Variants in NTN1 observed in about 807,000 individuals in gnomAD.
NTN1 encodes netrin 1, also known as netrin-1.
In NTN1, 11 loss-of-function variants were observed where a neutral mutation model predicts 54.2. The ratio of observed to expected loss-of-function variants is 0.20; its 90% confidence interval spans 0.13 to 0.34. The LOEUF is 0.34. Among genes scored for constraint, NTN1 ranks in the 10% least tolerant of loss-of-function variants. The pLI is 1.00. For missense variants in NTN1, 740 were observed against 893.1 expected (o/e 0.83, Z 2.18); for synonymous variants, 371 against 382.0 (o/e 0.97, Z 0.33).
intron 6 of NTN1, among the ~76,000 whole-genome samples, chr17:9,224,811 G>T (rs1046977700): frequency 6.6e-6 from 1 of 151,368 alleles, no homozygotes; most frequent in African/African-American, 2.4e-5. Flanking sequence ...GGGTGGGGGG[G>T]CACAGTGGGA....
intron 2 of NTN1, among the ~76,000 whole-genome samples, chr17:9,112,850 C>A (rs1419738485): frequency 3.3e-5 from 5 of 151,264 alleles, no homozygotes; most frequent in Non-Finnish European, 7.4e-5. Context: ...AAATGCACCC[C>A]ACCCCCTTCC....
chr17:9,042,152 CACTT>C (rs1251649551), intron 2 of NTN1, among the ~76,000 whole-genome samples: 1 of 152,098 alleles, frequency 6.6e-6, no homozygotes, highest in Non-Finnish European at 1.5e-5. Flanking sequence ...CCCTTGAAAA[CACTT>C]ACTATCTATC....
chr17:9,039,044 T>A (rs1213418838), intron 2 of NTN1, among the ~76,000 whole-genome samples: 1 of 152,250 alleles, frequency 6.6e-6, no homozygotes, highest in Non-Finnish European at 1.5e-5. Context: ...GATGCCATAT[T>A]TATTAAATGC....
chr17:9,153,868 C>G (rs915234965), intron 2 of NTN1, among the ~76,000 whole-genome samples: 4 of 152,178 alleles, frequency 2.6e-5, no homozygotes, highest in Non-Finnish European at 5.9e-5. Context: ...CTCTCATGCC[C>G]TGCGTGGACT....
rs536274618 is a variant in NTN1 at position 9,222,371 on chromosome 17, G to A, written c.1486+1129G>A. ...CTGGCCACCTCTGGGAAGGCAGAAC[G>A]ACCTCTCTGTTCTGCTCAGCTTCCC... On this transcript the variant is annotated intron_variant, in intron 6 of 6. Transcript: ENST00000173229. Among the ~76,000 whole-genome samples the A allele has an allele frequency of 1.1e-4, 16 of 152,372 alleles. No homozygotes were observed. In the South Asian group the frequency reaches 2.9e-3, roughly 28 times the overall value.
At chr17:9,040,339 A>G (rs1160995133) in intron 2 of NTN1, among the ~76,000 whole-genome samples, 1 of 152,136 alleles carries the variant, frequency 6.6e-6, no homozygotes, top group Non-Finnish European at 1.5e-5. Flanking sequence ...AGAAGAGTTT[A>G]CTTCTATGTA....
upstream of NTN1, among the ~76,000 whole-genome samples, chr17:9,017,818 T>C (rs532170296): frequency 1.1e-4 from 16 of 152,338 alleles, no homozygotes; most frequent in East Asian, 2.5e-3. Flanking sequence ...ATCTGTTTTT[T>C]TCATTTGTCC....
intron 5 of NTN1, among the ~76,000 whole-genome samples, chr17:9,199,330 T>TG (rs1371772030): frequency 1.3e-5 from 2 of 152,142 alleles, no homozygotes; most frequent in Non-Finnish European, 2.9e-5. Context: ...TTAGTAGAGA[T>TG]GGAGTTTCAA....
chr17:9,189,544 G>A (rs1242773758), intron 5 of NTN1, among the ~76,000 whole-genome samples: 1 of 152,060 alleles, frequency 6.6e-6, no homozygotes, highest in Non-Finnish European at 1.5e-5. Flanking sequence ...TAGAGACGGG[G>A]TTTCACCATG....
intron 3 of NTN1, among the ~76,000 whole-genome samples, chr17:9,168,277 A>G (rs754944383): frequency 2.0e-4 from 30 of 152,256 alleles, no homozygotes; most frequent in Non-Finnish European, 3.1e-4. Context: ...TCATGCCTGT[A>G]ATCCCAACAC....
At chr17:9,016,307 C>A in the NTN1 span, among the ~76,000 whole-genome samples, 1 of 152,008 alleles carries the variant, frequency 6.6e-6, no homozygotes, top group East Asian at 1.9e-4. Context: ...GCACCGTGGC[C>A]GTCTCGTCTC....
intron 5 of NTN1, among the ~76,000 whole-genome samples, chr17:9,200,065 C>T (rs759701475): frequency 5.1e-4 from 77 of 152,336 alleles, no homozygotes; most frequent in Non-Finnish European, 8.8e-4. Flanking sequence ...CCAAGCTAAC[C>T]GGCTAGCCAA....
At chr17:9,023,509 G>T (rs1433246313) in intron 2 of NTN1, 118 bp downstream of exon 2, 1 of 1,210,828 alleles carries the variant, frequency 8.3e-7, no homozygotes, top group African/African-American at 1.6e-5. Flanking sequence ...AGGCGCGTTC[G>T]CCGATGCCCG....
intron 2 of NTN1, among the ~76,000 whole-genome samples, chr17:9,162,318 C>T (rs961372516): frequency 2.0e-5 from 3 of 152,236 alleles, no homozygotes; most frequent in African/African-American, 7.2e-5. Flanking sequence ...TCTCACAGTT[C>T]TGCAGCCTGG....
chr17:9,223,556 C>CAAAAAAAAA (rs369166076), intron 6 of NTN1, among the ~76,000 whole-genome samples: 25,548 of 146,462 alleles, frequency 0.17, 2,462 homozygotes, highest in Non-Finnish European at 0.23. Context: ...GACTCTGTCT[C>CAAAAAAAAA]AAAAAAAAGA....
At chr17:9,141,547 G>A (rs759343165) in intron 2 of NTN1, among the ~76,000 whole-genome samples, 7 of 152,052 alleles carry the variant, frequency 4.6e-5, no homozygotes, top group African/African-American at 7.2e-5. Context: ...CAGAGTGGAC[G>A]GAAAAGTGAG....
chr17:9,041,222 T>A (rs986486388), intron 2 of NTN1, among the ~76,000 whole-genome samples: 6 of 152,234 alleles, frequency 3.9e-5, no homozygotes, highest in African/African-American at 7.2e-5. Context: ...TCACATGTCA[T>A]ACAATTCACC....
At chr17:9,176,732 ATAT>A (rs544216949) in intron 3 of NTN1, 46 of 152,348 alleles carry the variant, frequency 3.0e-4, no homozygotes, top group Middle Eastern at 3.4e-3. Context: ...AACCCACATC[ATAT>A]TATAAGATAG....
chr17:9,065,208 A>T (rs2092011297), intron 2 of NTN1, among the ~76,000 whole-genome samples: 2 of 152,190 alleles, frequency 1.3e-5, no homozygotes, highest in Non-Finnish European at 2.9e-5. Flanking sequence ...AAGTGCTGGG[A>T]TTACAGGTGT....
Sources: allele counts gnomAD v4.1 joint callset (sites outside exome capture counted in the v4.1 genomes callset), GRCh38; gene constraint gnomAD v4.1.1; transcripts MANE v1.5; gene names NCBI Gene and HGNC (gene_info 2026-07-23, HGNC 2026-07-21).